Variants in ITGA1 observed in about 807,000 individuals in gnomAD.
The protein encoded by ITGA1 is integrin alpha-1.
ITGA1 carries 85 observed loss-of-function variants against 145.9 expected under a neutral mutation model. That is an observed-to-expected ratio of 0.58 (90% CI 0.49 to 0.70). ITGA1 has a LOEUF of 0.70. ITGA1 is among the 30% of genes least tolerant of loss of function. The pLI is 0.00. For missense variants in ITGA1, 1,351 were observed against 1,418.7 expected (o/e 0.95, Z 0.77); for synonymous variants, 520 against 495.3 (o/e 1.05, Z -0.66).
chr5:52,949,972 G>C (rs1751194228), intron 28 of ITGA1, among the ~76,000 whole-genome samples: 1 of 152,180 alleles, frequency 6.6e-6, no homozygotes. Flanking sequence ...GAGTCTCTGT[G>C]TAAGAGACAG....
At chr5:52,817,262 C>T (rs1029953261) in intron 1 of ITGA1, among the ~76,000 whole-genome samples, 1 of 152,118 alleles carries the variant, frequency 6.6e-6, no homozygotes, top group Non-Finnish European at 1.5e-5. Context: ...GTGTCCCAGG[C>T]TTGGTTTCAA....
chr5:52,928,446 G>A (rs1750845663), intron 20 of ITGA1, among the ~76,000 whole-genome samples: 1 of 152,164 alleles, frequency 6.6e-6, no homozygotes, highest in Admixed American at 6.5e-5. Context: ...ACGTAGCATG[G>A]AGTTCACTCG....
intron 23 of ITGA1, among the ~76,000 whole-genome samples, chr5:52,935,785 T>C (rs1300974881): frequency 1.3e-5 from 2 of 152,222 alleles, no homozygotes; most frequent in Admixed American, 1.3e-4. Context: ...TGTATTTTAT[T>C]GTGTTACAAA....
chr5:52,931,957 C>A, intron 21 of ITGA1, 90 bp from the exon 22 acceptor site: 1 of 739,920 alleles, frequency 1.4e-6, no homozygotes, highest in Non-Finnish European at 2.3e-6. Flanking sequence ...TATTTAGTTG[C>A]CAGGATAAGC....
At position 52,893,786 on chromosome 5, in the gene ITGA1, T is replaced by A; in HGVS notation, c.1036T>A (p.Leu346Met). The part of the protein sequence containing the change: ...EKHFFNVSDE[L>M]ALVTIVKTLG... ...GCATTTCTTCAATGTCTCTGATGAATTGGCTCTAGTCACCATTGTTAAAAC... is the reference window on the plus strand; with the variant it reads ...GCATTTCTTCAATGTCTCTGATGAAATGGCTCTAGTCACCATTGTTAAAAC... Residue 346 changes from leucine (L) to methionine (M), a missense_variant, in exon 9 of 29, where the codon TTG (leucine) becomes ATG (methionine). Transcript: ENST00000282588. The A allele has an allele frequency of 1.9e-6, 3 of 1,612,876 alleles. No individual in the cohort carries two copies. The highest frequency in any genetic ancestry group is 2.5e-6 in the Non-Finnish European group (3 of 1,179,060).
At chr5:52,855,479 T>A (rs1456705352) in intron 2 of ITGA1, among the ~76,000 whole-genome samples, 1 of 152,206 alleles carries the variant, frequency 6.6e-6, no homozygotes, top group African/African-American at 2.4e-5. Flanking sequence ...ATTGAATGCC[T>A]ATTTTGTGCT....
intron 1 of ITGA1, 73 bp downstream of exon 1, chr5:52,788,487 A>G (rs942313559): frequency 1.3e-5 from 16 of 1,260,636 alleles, no homozygotes; most frequent in Non-Finnish European, 1.6e-5. Context: ...GGAGGTCCTC[A>G]GAGCCATGGG....
At chr5:52,897,434 T>G in intron 9 of ITGA1, 21 bp from the exon 10 acceptor site, 1 of 1,540,984 alleles carries the variant, frequency 6.5e-7, no homozygotes, top group South Asian at 1.1e-5. Context: ...TTATTTACAG[T>G]GATATTTTCC....
chr5:52,864,928 T>C, intron 4 of ITGA1, 43 bp from the exon 5 acceptor site: 2 of 1,568,346 alleles, frequency 1.3e-6, no homozygotes, highest in Non-Finnish European at 1.7e-6. Context: ...TGTTATATAA[T>C]TTTCAGTCTA....
intron 6 of ITGA1, among the ~76,000 whole-genome samples, chr5:52,871,431 A>G (rs149387302): frequency 2.2e-4 from 33 of 152,280 alleles, no homozygotes; most frequent in African/African-American, 7.2e-4. Flanking sequence ...TATTCTAATT[A>G]CACCTCCTGT....
At chr5:52,906,599 TTTG>T (rs770680959) in intron 12 of ITGA1, among the ~76,000 whole-genome samples, 25 of 152,202 alleles carry the variant, frequency 1.6e-4, no homozygotes, top group African/African-American at 1.7e-4. Flanking sequence ...TAACATGCTT[TTTG>T]TTGTTGTTAT....
Position 52,897,489 on chromosome 5 carries a change from G to A in ITGA1, c.1125G>A (p.Met375Ile), listed in dbSNP as rs375341490. Residue 375 changes from methionine to isoleucine, a missense_variant, in exon 10 of 29, where the codon ATG becomes ATA. Physicochemically the swap from Met to Ile is conservative, Grantham distance 10. Coordinates refer to ENST00000282588, the MANE Select transcript of ITGA1 (RefSeq NM_181501.2). Reference protein sequence around the residue: ...TADQSAASFEMEMSQTGFSAH... With the variant: ...TADQSAASFEIEMSQTGFSAH... ...ACCAGTCAGCAGCTTCATTTGAAAT[G>A]GAAATGTCTCAGACTGGCTTCAGTG... 1 of 1,613,262 alleles carries A rather than the reference G, an allele frequency of 6.2e-7. No individual in the cohort carries two copies. The highest frequency in any genetic ancestry group is 1.1e-5 in the South Asian group (1 of 91,044).
Position 52,865,678 on chromosome 5 carries a change from C to T in ITGA1, c.497-12C>T. ...AGATTCCAAATTTGACAATTGACTC[C>T]TTTTATTGCAGAATGCAGCACTCAA... On this transcript the variant is annotated splice_polypyrimidine_tract_variant and intron_variant, in intron 5 of 28. Coordinates refer to ENST00000282588, the MANE Select transcript of ITGA1 (RefSeq NM_181501.2). 1.3e-6 allele frequency: 2 copies of T among 1,513,868 alleles called. No homozygotes were observed. Among genetic ancestry groups the T allele is most frequent in the Non-Finnish European group, 1.8e-6 (2 of 1,137,904 alleles). The allele number at this position is 1,513,868 out of a possible 1,614,324, so 93.8% of individuals were successfully genotyped here.
At chr5:52,910,974 A>G (rs1489751017) in intron 14 of ITGA1, among the ~76,000 whole-genome samples, 23 of 129,252 alleles carry the variant, frequency 1.8e-4, no homozygotes, top group African/African-American at 6.4e-4. Flanking sequence ...TATATACTAT[A>G]TATAGTATGT....
intron 28 of ITGA1, among the ~76,000 whole-genome samples, chr5:52,950,862 G>T (rs1751208013): frequency 6.6e-6 from 1 of 152,136 alleles, no homozygotes; most frequent in Non-Finnish European, 1.5e-5. Flanking sequence ...AGCCTTGTCT[G>T]TTTATTTTTG....
At chr5:52,815,618 T>A (rs541325259) in intron 1 of ITGA1, among the ~76,000 whole-genome samples, 1 of 152,190 alleles carries the variant, frequency 6.6e-6, no homozygotes, top group African/African-American at 2.4e-5. Flanking sequence ...AAGGGCTCCA[T>A]TCCAAAAAAT....
Position 52,944,712 on chromosome 5 carries a change from A to T in ITGA1, c.3286-231A>T, listed in dbSNP as rs953191872. On this transcript the variant is annotated intron_variant, in intron 26 of 28. Transcript: ENST00000282588. ...TAAATCAATACAAAATATTTTTAAA[A>T]TTTTTTTTCATTCCATAACGAGGAT... is the stretch of plus-strand genomic sequence containing the variant. 8.2e-4 allele frequency among the ~76,000 whole-genome samples: 124 copies of T among 152,054 alleles called. 2 individuals carry two copies. Among genetic ancestry groups the T allele is most frequent in the Non-Finnish European group, 6.5e-4 (44 of 68,012 alleles).
intron 13 of ITGA1, 145 bp downstream of exon 13, chr5:52,909,186 T>C (rs1366248588): frequency 1.3e-6 from 1 of 758,994 alleles, no homozygotes; most frequent in Non-Finnish European, 2.1e-6. Context: ...ACCCCTCAGT[T>C]TTGAAATGAC....
At chr5:52,887,485 G>A (rs569084691) in intron 7 of ITGA1, among the ~76,000 whole-genome samples, 4 of 152,322 alleles carry the variant, frequency 2.6e-5, no homozygotes, top group African/African-American at 9.6e-5. Context: ...ACCTGGGGGA[G>A]TGTTTACAGA....
Sources: allele counts gnomAD v4.1 joint callset (sites outside exome capture counted in the v4.1 genomes callset), GRCh38; gene constraint gnomAD v4.1.1; transcripts MANE v1.5; gene names NCBI Gene and HGNC (gene_info 2026-07-23, HGNC 2026-07-21).